Variants in FLRT2 observed in about 807,000 individuals in gnomAD.
FLRT2 encodes leucine-rich repeat transmembrane protein FLRT2.
Under a neutral mutation model 40.0 loss-of-function variants are expected in FLRT2, and 15 were observed. That is an observed-to-expected ratio of 0.38 (90% CI 0.25 to 0.58). FLRT2 has a LOEUF of 0.58. Among genes scored for constraint, FLRT2 ranks in the 20% least tolerant of loss-of-function variants. FLRT2 has a pLI of 0.71. For missense variants in FLRT2, 726 were observed against 840.0 expected (o/e 0.86, Z 1.68); for synonymous variants, 380 against 336.8 (o/e 1.13, Z -1.41).
intron 1 of FLRT2, among the ~76,000 whole-genome samples, chr14:85,546,707 G>T (rs1470216685): frequency 6.6e-6 from 1 of 152,154 alleles, no homozygotes; most frequent in Admixed American, 6.5e-5. Context: ...GCTAGAAATG[G>T]CTTCCTTGTT....
At chr14:85,537,908 C>T (rs566785959) in intron 1 of FLRT2, among the ~76,000 whole-genome samples, 1 of 150,684 alleles carries the variant, frequency 6.6e-6, no homozygotes, top group South Asian at 2.1e-4. Flanking sequence ...TCTTTGATTC[C>T]TTCTACTGTG....
At chr14:85,611,960 G>GTA (rs1555370813) in intron 1 of FLRT2, among the ~76,000 whole-genome samples, 1 of 142,448 alleles carries the variant, frequency 7.0e-6, no homozygotes, top group African/African-American at 2.6e-5. Context: ...GTGTGTGTGT[G>GTA]TGTATTGGGA....
intron 1 of FLRT2, among the ~76,000 whole-genome samples, chr14:85,612,527 C>CAACTCG (rs1296490896): frequency 1.7e-4 from 26 of 152,068 alleles, no homozygotes; most frequent in Admixed American, 1.5e-3. Context: ...GATCTTAACC[C>CAACTCG]ATTTCTAGTC....
chr14:85,599,613 A>G (rs2139331041), intron 1 of FLRT2, among the ~76,000 whole-genome samples: 1 of 152,346 alleles, frequency 6.6e-6, no homozygotes, highest in South Asian at 2.1e-4. Flanking sequence ...AGCGCCATGT[A>G]CAACTAAACA....
At chr14:85,550,892 A>G (rs1889581118) in intron 1 of FLRT2, among the ~76,000 whole-genome samples, 1 of 152,228 alleles carries the variant, frequency 6.6e-6, no homozygotes, top group African/African-American at 2.4e-5. Flanking sequence ...CCTTAAAAAT[A>G]ACAAGAATAA....
chr14:85,556,480 A>T (rs1889971673), intron 1 of FLRT2, among the ~76,000 whole-genome samples: 1 of 152,204 alleles, frequency 6.6e-6, no homozygotes, highest in South Asian at 2.1e-4. Context: ...GAGAAGCCAC[A>T]TTCAACCCTG....
At chr14:85,587,882 G>C (rs10133350) in intron 1 of FLRT2, among the ~76,000 whole-genome samples, 45,139 of 151,882 alleles carry the variant, frequency 0.3, 7,000 homozygotes, top group Non-Finnish European at 0.35. Context: ...CTGTGGCATG[G>C]TGAATGATGA....
In FLRT2 at chr14:85,623,674, C is replaced by T. The variant is rs1376859860; in HGVS notation, c.*177C>T. Reference sequence around the variant, plus strand: ...TAATGGGATTTAAAAAAAGTGCTATCTTTTCTATTTCAAGTTAATTACAAA... The same window carrying T: ...TAATGGGATTTAAAAAAAGTGCTATTTTTTCTATTTCAAGTTAATTACAAA... On this transcript the variant is annotated 3_prime_UTR_variant, in exon 2 of 2. Coordinates refer to ENST00000330753, the MANE Select transcript of FLRT2 (RefSeq NM_013231.6). The T allele has an allele frequency of 2.1e-6, 1 of 477,126 alleles. No individual in the cohort carries two copies. The highest frequency in any genetic ancestry group is 2.0e-5 in the African/African-American group (1 of 49,622). The allele number at this position is 477,126 out of a possible 1,614,324, so 29.6% of individuals were successfully genotyped here.
intron 1 of FLRT2, among the ~76,000 whole-genome samples, chr14:85,577,114 T>C (rs1891153990): frequency 6.6e-6 from 1 of 152,158 alleles, no homozygotes; most frequent in Non-Finnish European, 1.5e-5. Flanking sequence ...CGGTTTTCGC[T>C]TGGGGTTGGT....
intron 1 of FLRT2, among the ~76,000 whole-genome samples, chr14:85,600,124 A>G (rs543229986): frequency 6.6e-6 from 1 of 152,328 alleles, no homozygotes; most frequent in South Asian, 2.1e-4. Context: ...TAAAAGAAGA[A>G]TTGACCTCAC....
At chr14:85,571,196 C>A (rs940298625) in intron 1 of FLRT2, among the ~76,000 whole-genome samples, 1 of 152,060 alleles carries the variant, frequency 6.6e-6, no homozygotes, top group Non-Finnish European at 1.5e-5. Context: ...CTGTAGAAAA[C>A]GATGTCATCT....
At position 85,630,040 on chromosome 14, in the gene FLRT2, A is replaced by T. The variant is rs1343472738; in HGVS notation, c.*6543A>T. ...TCGTACTTGAGATGTTGCTCTAAGTATTTTGTAGATTCCGCTGAAAAAGCA... is the reference window on the plus strand; with the variant it reads ...TCGTACTTGAGATGTTGCTCTAAGTTTTTTGTAGATTCCGCTGAAAAAGCA... On this transcript the variant is annotated 3_prime_UTR_variant, in exon 2 of 2. Coordinates refer to ENST00000330753, the MANE Select transcript of FLRT2 (RefSeq NM_013231.6). 3 of 152,148 alleles carry T rather than the reference A, an allele frequency of 2.0e-5. No individual in the cohort carries two copies. Among genetic ancestry groups the T allele is most frequent in the Non-Finnish European group, 4.4e-5 (3 of 68,022 alleles). 9.4% of individuals were successfully genotyped at this position (152,148 alleles called of 1,614,324 possible).
At chr14:85,620,708 C>T (rs1427324059) in intron 1 of FLRT2, among the ~76,000 whole-genome samples, 1 of 152,056 alleles carries the variant, frequency 6.6e-6, no homozygotes, top group African/African-American at 2.4e-5. Context: ...TCACATTTTC[C>T]CCTTCACTTT....
intron 1 of FLRT2, among the ~76,000 whole-genome samples, chr14:85,582,047 A>G (rs957029796): frequency 2.6e-5 from 4 of 152,216 alleles, no homozygotes; most frequent in African/African-American, 9.6e-5. Flanking sequence ...GAACAGTACC[A>G]CTAACAATGG....
intron 1 of FLRT2, among the ~76,000 whole-genome samples, chr14:85,602,671 A>G (rs1285737643): frequency 3.9e-5 from 6 of 152,028 alleles, no homozygotes; most frequent in South Asian, 2.1e-4. Context: ...GCACCTTCAC[A>G]TCAGTGATTT....
chr14:85,562,260 A>C (rs1020193417), intron 1 of FLRT2, among the ~76,000 whole-genome samples: 7 of 152,210 alleles, frequency 4.6e-5, no homozygotes, highest in Admixed American at 2.0e-4. Flanking sequence ...TGTTTCCAAG[A>C]GAATATTTCA....
At chr14:85,603,822 C>T (rs1176499997) in intron 1 of FLRT2, among the ~76,000 whole-genome samples, 1 of 152,152 alleles carries the variant, frequency 6.6e-6, no homozygotes, top group Non-Finnish European at 1.5e-5. Context: ...GAGCCGAGGT[C>T]TCTTGCCACT....
At chr14:85,620,253 T>C (rs946808794) in intron 1 of FLRT2, among the ~76,000 whole-genome samples, 4 of 152,208 alleles carry the variant, frequency 2.6e-5, no homozygotes, top group African/African-American at 9.7e-5. Flanking sequence ...TTGAATTTCT[T>C]TTTTTTCTTT....
At chr14:85,611,271 C>T (rs906374311) in intron 1 of FLRT2, among the ~76,000 whole-genome samples, 1 of 151,324 alleles carries the variant, frequency 6.6e-6, no homozygotes, top group African/African-American at 2.4e-5. Context: ...TCATCAGACA[C>T]AGTGGCCACT....
Sources: gnomAD v4.1 joint callset for allele counts (sites outside exome capture counted in the v4.1 genomes callset) on GRCh38, gnomAD v4.1.1 for gene constraint, MANE v1.5 for transcripts, NCBI Gene and HGNC (gene_info 2026-07-23, HGNC 2026-07-21) for gene names.